The following MRPL47 variants were observed in gnomAD, a reference collection of about 807,000 sequenced individuals.
The protein encoded by MRPL47 is mitochondrial ribosomal protein L47, also known as large ribosomal subunit protein uL29m.
A neutral mutation model predicts 34.0 loss-of-function variants in MRPL47; 31 were observed. That is an observed-to-expected ratio of 0.91 (90% CI 0.68 to 1.23). MRPL47 has a LOEUF of 1.23. MRPL47 is among the 50% of genes most tolerant of loss of function. MRPL47 has a pLI of 0.00. For synonymous variants in MRPL47, 106 were observed against 101.6 expected (o/e 1.04, Z -0.26); for missense variants, 328 against 285.8 (o/e 1.15, Z -1.07).
chr3:179,601,768 T>C lies in MRPL47; in HGVS notation c.267A>G (p.Gln89=). The change falls in exon 3 of 7, where the codon CAA becomes CAG. Residue 89 remains glutamine, a synonymous_variant. Transcript: ENST00000476781. The part of the protein sequence containing the change: ...VKSGAAWTCQ[Q]LRNKSNEDLH... The stretch of plus-strand genomic sequence containing the variant: ...AATCTTCATTACTTTTGTTCCTTAG[T>C]TGCTGACAGGTCCATGCTGCTCCTA... The C allele has an allele frequency of 9.9e-6, 16 of 1,610,062 alleles. No individual in the cohort carries two copies. The highest frequency in any genetic ancestry group is 1.3e-5 in the Non-Finnish European group (15 of 1,176,730).
chr3:179,602,933 A>T, intron 1 of MRPL47, 136 bp from the exon 2 acceptor site: 2 of 747,848 alleles, frequency 2.7e-6, no homozygotes, highest in Non-Finnish European at 4.1e-6. Context: ...TCTGCACAAG[A>T]ATTAATTTTT....
rs1467010858 is a variant in MRPL47, at chr3:179,593,800, A to T, written c.498T>A (p.Gly166=). The T allele has an allele frequency of 1.9e-6, 3 of 1,613,894 alleles. No homozygotes were observed. The South Asian group carries it at 3.3e-5, about 18-fold the overall frequency. The change falls in exon 5 of 7, where the codon GGT becomes GGA. Residue 166 remains glycine (G), a synonymous_variant. Transcript: ENST00000476781. ...TTCCAAAGATGTCTCTTCTCCAAGC[A>T]CCAGGTCTAGCTCTTTCTTGACCAG... The part of the protein sequence containing the change: ...LQTGQERARP[G]AWRRDIFGRI...
rs1479454720 is a variant in MRPL47 at position 179,588,975 on chromosome 3, G to T, written c.650C>A (p.Ala217Asp). The part of the protein sequence containing the change: ...HFLRLEREKR[A>D]RIKARKENLE... Reference sequence around the variant, plus strand: ...ATTTTCCTTCCGTGCTTTGATGCGGGCTCGTTTCTCACGTTCCAGTCTAGA... The same window carrying T: ...ATTTTCCTTCCGTGCTTTGATGCGGTCTCGTTTCTCACGTTCCAGTCTAGA... The change falls in exon 7 of 7, where the codon GCC becomes GAC. Residue 217 changes from alanine (A) to aspartate (D), a missense_variant. Coordinates refer to ENST00000476781, the MANE Select transcript of MRPL47 (RefSeq NM_020409.3). 1 of 1,611,314 alleles carries T rather than the reference G, an allele frequency of 6.2e-7. No homozygotes were observed. Among genetic ancestry groups the T allele is most frequent in the Non-Finnish European group, 8.5e-7 (1 of 1,178,858 alleles).
chr3:179,604,077 T>A (rs930121700), intron 1 of MRPL47, among the ~76,000 whole-genome samples: 3 of 150,196 alleles, frequency 2.0e-5, no homozygotes, highest in Non-Finnish European at 4.4e-5. Flanking sequence ...CCAAGAAAAA[T>A]AAATAAATAA....
At chr3:179,591,988 A>G (rs1483351157) in intron 6 of MRPL47, among the ~76,000 whole-genome samples, 7 of 152,054 alleles carry the variant, frequency 4.6e-5, no homozygotes, top group African/African-American at 1.7e-4. Context: ...ACATGCTACC[A>G]TGGCCGGCTA....
At position 179,600,022 on chromosome 3, in the gene MRPL47, G is replaced by A. The variant is rs376339765; in HGVS notation, c.306-1251C>T. ...TGCCTGTAATCCCAGCTACTCAGGA[G>A]GCTGAGGCAGGAGAACCTGGAATGG... is the stretch of plus-strand genomic sequence containing the variant. On this transcript the variant is annotated intron_variant, in intron 3 of 6. Coordinates refer to ENST00000476781, the MANE Select transcript of MRPL47 (RefSeq NM_020409.3). Among the ~76,000 whole-genome samples the A allele has an allele frequency of 5.9e-5, 9 of 152,134 alleles. 2 individuals are homozygous for A. Among genetic ancestry groups the A allele is most frequent in the East Asian group, 1.9e-4 (1 of 5,164 alleles).
Position 179,592,851 on chromosome 3 carries a change from CAT to C in MRPL47, c.534-114_534-113del, listed in dbSNP as rs1163252529. The C allele has an allele frequency of 1.6e-5, 11 of 675,804 alleles. No homozygotes were observed. The East Asian group carries it at 1.9e-4, about 12-fold the overall frequency. 41.9% of individuals were successfully genotyped at this position (675,804 alleles called of 1,614,324 possible). ...AAATAAAAATTAGTAGAAAATAAAACATAAACATTTTTAGTGAGATGCTTTGG... is the reference window on the plus strand; with the variant it reads ...AAATAAAAATTAGTAGAAAATAAAACAAACATTTTTAGTGAGATGCTTTGG... On this transcript the variant is annotated intron_variant, in intron 5 of 6. Transcript: ENST00000476781.
intron 4 of MRPL47, among the ~76,000 whole-genome samples, chr3:179,597,078 T>C (rs778168788): frequency 6.6e-6 from 1 of 152,224 alleles, no homozygotes; most frequent in African/African-American, 2.4e-5. Context: ...GACTGATAGA[T>C]GCATAGAAGG....
chr3:179,602,072 G>A lies in MRPL47; in HGVS notation c.245-282C>T, dbSNP rs536926324. On this transcript the variant is annotated intron_variant, in intron 2 of 6. Transcript: ENST00000476781. ...TTTGTCATTATAAATTAACTGGGGCGGTGGTTCACACCTGTATTCCCAACG... is the reference window on the plus strand; with the variant it reads ...TTTGTCATTATAAATTAACTGGGGCAGTGGTTCACACCTGTATTCCCAACG... Among the ~76,000 whole-genome samples the A allele has an allele frequency of 1.2e-4, 18 of 152,278 alleles. 1 individual carries two copies. The highest frequency in any genetic ancestry group is 3.9e-4 in the Admixed American group (6 of 15,298).
At chr3:179,589,366 C>T (rs1489438807) in intron 6 of MRPL47, among the ~76,000 whole-genome samples, 2 of 152,114 alleles carry the variant, frequency 1.3e-5, no homozygotes, top group African/African-American at 2.4e-5. Context: ...AGGGAATTCC[C>T]ATAAGTCTCA....
intron 6 of MRPL47, among the ~76,000 whole-genome samples, chr3:179,591,993 C>T (rs778672247): frequency 4.6e-5 from 7 of 151,952 alleles, no homozygotes; most frequent in Non-Finnish European, 8.8e-5. Context: ...CTACCATGGC[C>T]GGCTAATTTT....
At chr3:179,592,226 A>G (rs1207903468) in intron 6 of MRPL47, among the ~76,000 whole-genome samples, 2 of 151,764 alleles carry the variant, frequency 1.3e-5, no homozygotes, top group Non-Finnish European at 2.9e-5. Flanking sequence ...ACGGAGTCTC[A>G]CTCTGTCACC....
At chr3:179,591,603 C>G (rs1404558410) in intron 6 of MRPL47, among the ~76,000 whole-genome samples, 1 of 152,210 alleles carries the variant, frequency 6.6e-6, no homozygotes, top group East Asian at 1.9e-4. Context: ...GATCAACATT[C>G]TGCAGGACAA....
intron 3 of MRPL47, among the ~76,000 whole-genome samples, chr3:179,600,305 CTTTAA>C (rs1718897637): frequency 6.6e-6 from 1 of 152,098 alleles, no homozygotes; most frequent in African/African-American, 2.4e-5. Context: ...CTTCACAATT[CTTTAA>C]TTTGTCATGA....
At chr3:179,592,585 A>G in intron 6 of MRPL47, 59 bp downstream of exon 6, 1 of 1,009,886 alleles carries the variant, frequency 9.9e-7, no homozygotes, top group Non-Finnish European at 1.6e-6. Flanking sequence ...GGTATGATAT[A>G]TGACCATATG....
chr3:179,602,273 G>A (rs564523582), intron 2 of MRPL47, among the ~76,000 whole-genome samples: 1 of 152,272 alleles, frequency 6.6e-6, no homozygotes, highest in South Asian at 2.1e-4. Flanking sequence ...GAATCCGAGA[G>A]GCAGAGGCTG....
intron 4 of MRPL47, among the ~76,000 whole-genome samples, chr3:179,595,956 A>G (rs546457899): frequency 2.6e-5 from 4 of 152,338 alleles, no homozygotes; most frequent in African/African-American, 9.6e-5. Context: ...AGAGACAAAA[A>G]GATACACTTG....
intron 5 of MRPL47, among the ~76,000 whole-genome samples, chr3:179,593,125 T>C (rs1718713170): frequency 1.3e-5 from 2 of 152,314 alleles, no homozygotes; most frequent in African/African-American, 4.8e-5. Flanking sequence ...GAAGGAGGTT[T>C]ATTTACACCA....
At chr3:179,596,470 T>C (rs1718790854) in intron 4 of MRPL47, among the ~76,000 whole-genome samples, 1 of 152,204 alleles carries the variant, frequency 6.6e-6, no homozygotes, top group Non-Finnish European at 1.5e-5. Flanking sequence ...TATTTTGGGT[T>C]CTACTGATTG....
Sources: allele counts gnomAD v4.1 joint callset (sites outside exome capture counted in the v4.1 genomes callset), GRCh38; gene constraint gnomAD v4.1.1; transcripts MANE v1.5; gene names NCBI Gene and HGNC (gene_info 2026-07-23, HGNC 2026-07-21).